Variants in MIS18A observed in about 807,000 individuals in gnomAD.
The protein encoded by MIS18A is protein Mis18-alpha.
A neutral mutation model predicts 25.0 loss-of-function variants in MIS18A; 14 were observed. The ratio of observed to expected loss-of-function variants is 0.56; its 90% CI spans 0.37 to 0.88. The LOEUF (loss-of-function observed/expected upper bound fraction) is 0.88. Among genes scored for constraint, MIS18A ranks in the 40% least tolerant of loss-of-function variants. MIS18A has a pLI of 0.00. For synonymous variants in MIS18A, 134 were observed against 118.6 expected, an observed-to-expected ratio of 1.13 and a Z score of -0.84; for missense variants, 292 against 290.8, an observed-to-expected ratio of 1.00 and a Z score of -0.03.
chr21:32,235,572 T>G, the MIS18A span, among the ~76,000 whole-genome samples: 1 of 152,192 alleles, frequency 6.6e-6, no homozygotes, highest in African/African-American at 2.4e-5. Context: ...TGAAACCTAT[T>G]TGACATCTCT....
At chr21:32,226,511 T>C in the MIS18A span, among the ~76,000 whole-genome samples, 12 of 152,284 alleles carry the variant, frequency 7.9e-5, no homozygotes, top group Non-Finnish European at 1.5e-4. Context: ...GGACATTTTA[T>C]AGTGATAAAA....
chr21:32,256,110 T>C, the MIS18A span, among the ~76,000 whole-genome samples: 1 of 152,146 alleles, frequency 6.6e-6, no homozygotes, highest in Admixed American at 6.6e-5. Flanking sequence ...TATTAAACAT[T>C]TTTTTGATGT....
At chr21:32,163,404 T>G in the MIS18A span, among the ~76,000 whole-genome samples, 1 of 151,966 alleles carries the variant, frequency 6.6e-6, no homozygotes, top group Non-Finnish European at 1.5e-5. Context: ...AGAGAAAGAG[T>G]CATGCTCACA....
the MIS18A span, among the ~76,000 whole-genome samples, chr21:32,200,275 G>C: frequency 0.083 from 12,665 of 152,176 alleles, 585 homozygotes; most frequent in Middle Eastern, 0.16. Flanking sequence ...GGAGTAGTTT[G>C]CTGACCCCTG....
the MIS18A span, among the ~76,000 whole-genome samples, chr21:32,245,304 G>A: frequency 6.6e-6 from 1 of 152,194 alleles, no homozygotes; most frequent in Non-Finnish European, 1.5e-5. Flanking sequence ...AATACCTGAA[G>A]TGTTCCCTTC....
chr21:32,191,775 G>A, the MIS18A span, among the ~76,000 whole-genome samples: 1 of 151,814 alleles, frequency 6.6e-6, no homozygotes, highest in Non-Finnish European at 1.5e-5. Context: ...CGTTGTGGCG[G>A]GTGCCTGTAA....
chr21:32,253,612 G>T, the MIS18A span, among the ~76,000 whole-genome samples: 1 of 152,156 alleles, frequency 6.6e-6, no homozygotes, highest in Non-Finnish European at 1.5e-5. Flanking sequence ...GAGGGGAGCG[G>T]GAGAGTGAGC....
the MIS18A span, among the ~76,000 whole-genome samples, chr21:32,181,819 T>C: frequency 0.28 from 43,184 of 151,882 alleles, 6,508 homozygotes; most frequent in East Asian, 0.42. Flanking sequence ...CTTGTCAGTG[T>C]CAAGAGGCAG....
the MIS18A span, among the ~76,000 whole-genome samples, chr21:32,210,105 C>T: frequency 1.3e-5 from 2 of 152,212 alleles, no homozygotes; most frequent in East Asian, 3.9e-4. Context: ...AATAGCTTCT[C>T]TGCAAAGTCT....
chr21:32,233,741 G>A, the MIS18A span, among the ~76,000 whole-genome samples: 200 of 152,244 alleles, frequency 1.3e-3, no homozygotes, highest in African/African-American at 4.8e-3. Flanking sequence ...AAATGGGATG[G>A]CTAGGGTTCA....
intron 3 of MIS18A, among the ~76,000 whole-genome samples, chr21:32,270,052 C>T (rs764414148): frequency 3.3e-5 from 5 of 151,854 alleles, no homozygotes; most frequent in South Asian, 2.1e-4. Flanking sequence ...CCAGCCTGGG[C>T]GACAGAGTGA....
the MIS18A span, among the ~76,000 whole-genome samples, chr21:32,157,028 TTTCC>T: frequency 1.4e-5 from 2 of 146,870 alleles, no homozygotes; most frequent in Admixed American, 7.3e-5. Flanking sequence ...GCTGATTGCA[TTTCC>T]TTTCTTTTCC....
chr21:32,269,704 T>TA lies in MIS18A; in HGVS notation c.621+2dup. ...AGATATAAAATGTACAGAATAAAATTACCTGTGTTAGAGACTTTTCTATTT... is the reference window on the plus strand; with the variant it reads ...AGATATAAAATGTACAGAATAAAATTAACCTGTGTTAGAGACTTTTCTATTT... On this transcript the variant is annotated splice_region_variant and intron_variant, in intron 4 of 4. Transcript: ENST00000290130. The TA allele has an allele frequency of 1.3e-6, 2 of 1,517,812 alleles. No individual in the cohort carries two copies. Among genetic ancestry groups the TA allele is most frequent in the Non-Finnish European group, 1.8e-6 (2 of 1,093,016 alleles). The allele number at this position is 1,517,812 out of a possible 1,614,324, so 94.0% of individuals were successfully genotyped here.
the MIS18A span, among the ~76,000 whole-genome samples, chr21:32,168,897 T>G: frequency 6.6e-6 from 1 of 152,138 alleles, no homozygotes; most frequent in African/African-American, 2.4e-5. Context: ...TTAATCAGTG[T>G]AAACAATCTA....
the MIS18A span, among the ~76,000 whole-genome samples, chr21:32,235,152 G>A: frequency 2.8e-3 from 426 of 152,254 alleles, 2 homozygotes; most frequent in African/African-American, 9.4e-3. Context: ...ATCACTAAGG[G>A]CACCCATTTC....
At chr21:32,258,879 C>T in the MIS18A span, among the ~76,000 whole-genome samples, 16,068 of 86,938 alleles carry the variant, frequency 0.18, 959 homozygotes, top group East Asian at 0.25. Flanking sequence ...TATTTATTTA[C>T]TTACTTACTT....
the MIS18A span, among the ~76,000 whole-genome samples, chr21:32,157,237 TTTTG>T: frequency 3.8e-5 from 2 of 51,964 alleles, no homozygotes; most frequent in East Asian, 7.5e-4. Context: ...TTTTTTTTTT[TTTTG>T]GTAGTTTTAG....
At chr21:32,263,665 C>T (rs947254203), downstream of MIS18A, among the ~76,000 whole-genome samples, 9 of 152,204 alleles carry the variant, frequency 5.9e-5, no homozygotes, top group African/African-American at 1.2e-4. Flanking sequence ...TCATTTTAGA[C>T]GTACTAAACG....
the MIS18A span, among the ~76,000 whole-genome samples, chr21:32,226,521 A>C: frequency 2.6e-5 from 4 of 152,204 alleles, no homozygotes; most frequent in African/African-American, 9.6e-5. Flanking sequence ...TAGTGATAAA[A>C]GTATCAATCT....
Sources: gnomAD v4.1 joint callset for allele counts (sites outside exome capture counted in the v4.1 genomes callset) on GRCh38, gnomAD v4.1.1 for gene constraint, MANE v1.5 for transcripts, NCBI Gene and HGNC (gene_info 2026-07-23, HGNC 2026-07-21) for gene names.